The following MAST4 variants were observed in gnomAD, a reference collection of about 807,000 sequenced individuals.
The protein encoded by MAST4 is microtubule associated serine/threonine kinase family member 4, also known as microtubule-associated serine/threonine-protein kinase 4.
Under a neutral mutation model 162.7 loss-of-function variants are expected in MAST4, and 89 were observed. The observed-to-expected ratio is 0.55, with a 90% CI of 0.46 to 0.65. The LOEUF (loss-of-function observed/expected upper bound fraction) is 0.65, where lower values mean the gene tolerates loss of function less well. MAST4 is among the 30% of genes least tolerant of loss of function. MAST4 has a pLI of 0.00. For missense variants in MAST4, 3,153 were observed against 3,374.0 expected (o/e 0.93, Z 1.62); for synonymous variants, 1,479 against 1,361.1 (o/e 1.09, Z -1.91).
At chr5:66,971,692 C>T (rs944284917) in intron 4 of MAST4, among the ~76,000 whole-genome samples, 7 of 152,136 alleles carry the variant, frequency 4.6e-5, no homozygotes, top group Non-Finnish European at 1.0e-4. Flanking sequence ...TAACAGTTAT[C>T]TTTTTTTAGT....
chr5:67,017,609 T>A (rs1481691631), intron 4 of MAST4, among the ~76,000 whole-genome samples: 1 of 150,072 alleles, frequency 6.7e-6, no homozygotes, highest in Admixed American at 6.6e-5. Context: ...TCTTTTCTTT[T>A]TTTTTTTTTT....
intron 4 of MAST4, among the ~76,000 whole-genome samples, chr5:66,997,892 C>G (rs1329722182): frequency 6.6e-6 from 1 of 152,212 alleles, no homozygotes; most frequent in East Asian, 1.9e-4. Flanking sequence ...TTCATGTCCT[C>G]CCTGACATAT....
chr5:66,780,560 C>T (rs1045763874), intron 2 of MAST4, among the ~76,000 whole-genome samples: 1 of 152,162 alleles, frequency 6.6e-6, no homozygotes, highest in African/African-American at 2.4e-5. Flanking sequence ...AAAGAGTGAG[C>T]AGCAGCAAGA....
intron 1 of MAST4, among the ~76,000 whole-genome samples, chr5:66,692,411 CTTT>C (rs34946179): frequency 0.21 from 29,914 of 145,366 alleles, 3,411 homozygotes; most frequent in Admixed American, 0.31. Flanking sequence ...CTCTTGCTCT[CTTT>C]TTTTTTTTTT....
At chr5:66,783,772 T>C (rs1158624313) in intron 2 of MAST4, among the ~76,000 whole-genome samples, 3 of 152,194 alleles carry the variant, frequency 2.0e-5, no homozygotes, top group African/African-American at 7.2e-5. Flanking sequence ...CTGCTTGCTT[T>C]ACAATATCCT....
intron 1 of MAST4, among the ~76,000 whole-genome samples, chr5:66,622,121 G>A (rs1041764717): frequency 3.3e-5 from 5 of 152,170 alleles, no homozygotes; most frequent in African/African-American, 1.2e-4. Context: ...TGGAGTGCTG[G>A]GGTGTGGGGT....
intron 1 of MAST4, among the ~76,000 whole-genome samples, chr5:66,666,687 A>C (rs901674299): frequency 6.6e-6 from 1 of 152,310 alleles, no homozygotes; most frequent in East Asian, 1.9e-4. Flanking sequence ...AAAATGTGTA[A>C]GCCCACAGTT....
chr5:66,911,385 C>G (rs923046719), intron 4 of MAST4, among the ~76,000 whole-genome samples: 5 of 152,036 alleles, frequency 3.3e-5, no homozygotes, highest in African/African-American at 1.2e-4. Flanking sequence ...ATATTTAAAA[C>G]TTTTTTTAGA....
chr5:67,009,182 A>G (rs569658708), intron 4 of MAST4, among the ~76,000 whole-genome samples: 417 of 124,610 alleles, frequency 3.3e-3, no homozygotes, highest in Non-Finnish European at 6.0e-3. Flanking sequence ...CAAGGTACAT[A>G]TAAGCCATAG....
chr5:66,940,610 A>C (rs1743255885), intron 4 of MAST4, among the ~76,000 whole-genome samples: 1 of 152,114 alleles, frequency 6.6e-6, no homozygotes, highest in African/African-American at 2.4e-5. Context: ...CAATTCAGTC[A>C]CATCTTCAGG....
chr5:66,919,677 AAAG>A (rs1274096297), intron 4 of MAST4, among the ~76,000 whole-genome samples: 1 of 151,646 alleles, frequency 6.6e-6, no homozygotes. Context: ...AAAAAAAAAA[AAAG>A]AGAAAAAGGT....
intron 5 of MAST4, among the ~76,000 whole-genome samples, chr5:67,082,629 T>C (rs1762808208): frequency 6.6e-6 from 1 of 152,080 alleles, no homozygotes; most frequent in Admixed American, 6.6e-5. Flanking sequence ...AAATATGGAG[T>C]GCAGATTAGA....
At chr5:67,083,471 ACTTTCT>A (rs751267370) in intron 5 of MAST4, among the ~76,000 whole-genome samples, 16 of 152,186 alleles carry the variant, frequency 1.1e-4, no homozygotes, top group Non-Finnish European at 1.6e-4. Context: ...TCATTTAAAT[ACTTTCT>A]CTTTGACTAG....
chr5:66,635,946 GTTTTTTTTTTTTTTTTT>G (rs530576186), intron 1 of MAST4, among the ~76,000 whole-genome samples: 4 of 41,278 alleles, frequency 9.7e-5, no homozygotes, highest in Non-Finnish European at 1.4e-4. Flanking sequence ...GATAGAGACT[GTTTTTTTTTTTTTTTTT>G]TTTTTTTTTT....
chr5:67,134,055 C>CA (rs1769325137), intron 17 of MAST4, among the ~76,000 whole-genome samples: 1 of 152,136 alleles, frequency 6.6e-6, no homozygotes, highest in African/African-American at 2.4e-5. Context: ...ACCATGTCCC[C>CA]ACAATCTGTT....
chr5:66,639,984 A>G (rs1580072481), intron 1 of MAST4, among the ~76,000 whole-genome samples: 2 of 152,186 alleles, frequency 1.3e-5, no homozygotes, highest in Admixed American at 6.5e-5. Context: ...CAAATTTCCA[A>G]TATATAATAC....
intron 1 of MAST4, among the ~76,000 whole-genome samples, chr5:66,632,382 A>C (rs1317367689): frequency 6.6e-6 from 1 of 152,144 alleles, no homozygotes; most frequent in Non-Finnish European, 1.5e-5. Context: ...GAAATTGAGT[A>C]GGGGCTTTGG....
In MAST4 at chr5:67,114,475, T is replaced by A. The variant is rs186380548; in HGVS notation, c.1591+256T>A. 1.7e-3 allele frequency: 697 copies of A among 405,614 alleles called. 1 individual carries two copies. The highest frequency in any genetic ancestry group is 2.6e-3 in the Middle Eastern group (4 of 1,536). The allele number at this position is 405,614 out of a possible 1,614,324, so 25.1% of individuals were successfully genotyped here. The stretch of plus-strand genomic sequence containing the variant: ...TCCTAGAAGCATGTCAGCCTGAGAA[T>A]GCCAGAGTGTCCCAGAAGGGTTGCA... On this transcript the variant is annotated intron_variant, in intron 12 of 28. Transcript: ENST00000403625.
chr5:66,600,873 G>C (rs1742507720), intron 1 of MAST4, among the ~76,000 whole-genome samples: 1 of 152,148 alleles, frequency 6.6e-6, no homozygotes, highest in East Asian at 1.9e-4. Flanking sequence ...TGGCAGAAAA[G>C]GGCTTAGTAA....
Sources: gnomAD v4.1 joint callset for allele counts (sites outside exome capture counted in the v4.1 genomes callset) on GRCh38, gnomAD v4.1.1 for gene constraint, MANE v1.5 for transcripts, NCBI Gene and HGNC (gene_info 2026-07-23, HGNC 2026-07-21) for gene names.